The following TANC2 variants were observed in gnomAD, a reference collection of about 807,000 sequenced individuals.
TANC2 encodes tetratricopeptide repeat, ankyrin repeat and coiled-coil containing 2.
TANC2 carries 26 observed loss-of-function variants against 210.5 expected under a neutral mutation model. That is an observed-to-expected ratio of 0.12 (90% CI 0.09 to 0.17). TANC2 has a LOEUF of 0.17. Among genes scored for constraint, TANC2 ranks in the 10% least tolerant of loss-of-function variants. The probability of loss-of-function intolerance (pLI) is 1.00; values close to 1 mark genes in which losing one functional copy is unlikely to be tolerated. For synonymous variants in TANC2, 931 were observed against 967.1 expected, an observed-to-expected ratio of 0.96 and a Z score of 0.69; for missense variants, 2,129 against 2,608.9, an observed-to-expected ratio of 0.82 and a Z score of 4.01.
chr17:63,320,125 C>A (rs761173022), intron 11 of TANC2, among the ~76,000 whole-genome samples: 11 of 152,184 alleles, frequency 7.2e-5, no homozygotes, highest in Non-Finnish European at 1.5e-4. Context: ...AAATACATCA[C>A]TCTGGCGCCA....
chr17:63,264,950 C>T (rs1448622580), intron 8 of TANC2, among the ~76,000 whole-genome samples: 4 of 152,140 alleles, frequency 2.6e-5, no homozygotes, highest in Non-Finnish European at 5.9e-5. Flanking sequence ...CAGAGTGAGA[C>T]TTCGTCTCAA....
At chr17:63,364,002 T>TA (rs2047038039) in intron 14 of TANC2, among the ~76,000 whole-genome samples, 1 of 152,240 alleles carries the variant, frequency 6.6e-6, no homozygotes. Flanking sequence ...TCCAAGAAGA[T>TA]ATTTCATTGA....
chr17:63,021,575 G>C (rs2034350437), intron 2 of TANC2, among the ~76,000 whole-genome samples: 1 of 152,204 alleles, frequency 6.6e-6, no homozygotes, highest in South Asian at 2.1e-4. Flanking sequence ...ACAGCTGTGA[G>C]CCAAAATAAA....
intron 2 of TANC2, among the ~76,000 whole-genome samples, chr17:63,042,515 A>G (rs2035228232): frequency 6.6e-6 from 1 of 152,136 alleles, no homozygotes; most frequent in Admixed American, 6.6e-5. Flanking sequence ...GGATGCATTT[A>G]AGATATCTTT....
intron 11 of TANC2, among the ~76,000 whole-genome samples, chr17:63,337,065 G>A (rs897137063): frequency 6.6e-6 from 1 of 152,132 alleles, no homozygotes; most frequent in Non-Finnish European, 1.5e-5. Flanking sequence ...AAAATTTGGA[G>A]GAAGTAACAG....
chr17:63,125,511 A>G (rs1233745204), intron 4 of TANC2, among the ~76,000 whole-genome samples: 1 of 152,212 alleles, frequency 6.6e-6, no homozygotes, highest in Non-Finnish European at 1.5e-5. Flanking sequence ...GCTTAAATTT[A>G]TATGACAATA....
chr17:62,969,599 A>G (rs1395943428), intron 1 of TANC2, among the ~76,000 whole-genome samples: 1 of 152,158 alleles, frequency 6.6e-6, no homozygotes, highest in East Asian at 1.9e-4. Flanking sequence ...GAGGAGTATT[A>G]GTACTTTTTA....
intron 5 of TANC2, among the ~76,000 whole-genome samples, chr17:63,168,732 C>T (rs1471723721): frequency 2.6e-5 from 4 of 152,128 alleles, no homozygotes; most frequent in African/African-American, 4.8e-5. Flanking sequence ...GTAACCTTTG[C>T]TATGGCTTAG....
At chr17:63,349,521 G>A (rs574073439) in intron 12 of TANC2, among the ~76,000 whole-genome samples, 1 of 152,286 alleles carries the variant, frequency 6.6e-6, no homozygotes, top group East Asian at 1.9e-4. Context: ...ACAGCCACCT[G>A]GGAGAGGAGG....
At chr17:63,208,692 T>C (rs2041795911) in intron 7 of TANC2, among the ~76,000 whole-genome samples, 1 of 152,180 alleles carries the variant, frequency 6.6e-6, no homozygotes, top group South Asian at 2.1e-4. Context: ...TTAGTATCTT[T>C]CAATAAAATG....
chr17:63,219,914 A>G (rs1049637669), intron 7 of TANC2, among the ~76,000 whole-genome samples: 4 of 152,208 alleles, frequency 2.6e-5, no homozygotes, highest in Admixed American at 2.0e-4. Context: ...GAGGATTTAT[A>G]CTACCTGATT....
At chr17:63,264,411 G>A (rs1055955390) in intron 8 of TANC2, among the ~76,000 whole-genome samples, 2 of 152,266 alleles carry the variant, frequency 1.3e-5, no homozygotes, top group East Asian at 3.9e-4. Flanking sequence ...TTGGGGAGCA[G>A]CAAATGCAGA....
intron 1 of TANC2, among the ~76,000 whole-genome samples, chr17:62,999,473 A>G (rs997847076): frequency 1.3e-5 from 2 of 152,242 alleles, no homozygotes; most frequent in African/African-American, 2.4e-5. Context: ...ATAATGGCAA[A>G]GGATTCAGTT....
chr17:63,298,411 T>C (rs908341637), intron 9 of TANC2, among the ~76,000 whole-genome samples: 2 of 152,156 alleles, frequency 1.3e-5, no homozygotes, highest in African/African-American at 4.8e-5. Flanking sequence ...TGAATGAACC[T>C]TGAATTATGC....
At chr17:63,364,474 C>T (rs1307818743) in intron 14 of TANC2, among the ~76,000 whole-genome samples, 1 of 152,132 alleles carries the variant, frequency 6.6e-6, no homozygotes, top group Non-Finnish European at 1.5e-5. Context: ...GAGAGATTTC[C>T]TAAGTCTATA....
At chr17:63,110,035 G>A (rs1598411999) in intron 4 of TANC2, among the ~76,000 whole-genome samples, 1 of 151,636 alleles carries the variant, frequency 6.6e-6, no homozygotes, top group East Asian at 1.9e-4. Context: ...ATCATCTTCT[G>A]CTCTAGTAAC....
At chr17:62,995,037 TGAA>T (rs1367276701) in intron 1 of TANC2, among the ~76,000 whole-genome samples, 1 of 152,250 alleles carries the variant, frequency 6.6e-6, no homozygotes, top group Non-Finnish European at 1.5e-5. Flanking sequence ...ATAAGAAAAC[TGAA>T]GAAGGATGAA....
At chr17:63,225,822 T>C (rs2042313137) in intron 7 of TANC2, among the ~76,000 whole-genome samples, 1 of 152,258 alleles carries the variant, frequency 6.6e-6, no homozygotes. Context: ...GGTAATCCTC[T>C]GACACAGGAG....
chr17:62,974,403 A>T (rs569101612), intron 1 of TANC2, among the ~76,000 whole-genome samples: 67 of 152,236 alleles, frequency 4.4e-4, no homozygotes, highest in South Asian at 2.9e-3. Context: ...GCAATAAAAG[A>T]TCATTGTTAT....
Sources: gnomAD v4.1 joint callset for allele counts (sites outside exome capture counted in the v4.1 genomes callset) on GRCh38, gnomAD v4.1.1 for gene constraint, MANE v1.5 for transcripts, NCBI Gene and HGNC (gene_info 2026-07-23, HGNC 2026-07-21) for gene names.